Variants in TRPM7 observed in about 807,000 individuals in gnomAD.
TRPM7 encodes the protein transient receptor potential cation channel subfamily M member 7.
Under a neutral mutation model 229.7 loss-of-function variants are expected in TRPM7, and 134 were observed. The ratio of observed to expected loss-of-function variants is 0.58; its 90% CI spans 0.51 to 0.67. The LOEUF is 0.67. Among genes scored for constraint, TRPM7 ranks in the 30% least tolerant of loss-of-function variants. TRPM7 has a pLI of 0.00. For missense variants in TRPM7, 1,901 were observed against 2,210.0 expected, an observed-to-expected ratio of 0.86 and a Z score of 2.80; for synonymous variants, 699 against 715.2, an observed-to-expected ratio of 0.98 and a Z score of 0.36.
intron 21 of TRPM7, among the ~76,000 whole-genome samples, chr15:50,601,955 C>CTTTTTTTTTTTTTTTTTTTTTTTTTTTT (rs1237498865): frequency 7.8e-6 from 1 of 128,286 alleles, no homozygotes; most frequent in African/African-American, 2.9e-5. Context: ...CACATATTTT[C>CTTTTTTTTTTTTTTTTTTTTTTTTTTTT]TTTTTTTTTT....
At chr15:50,578,850 CTA>C (rs900080163) in intron 30 of TRPM7, among the ~76,000 whole-genome samples, 186 bp from the exon 31 acceptor site, 73 of 149,356 alleles carry the variant, frequency 4.9e-4, no homozygotes, top group African/African-American at 1.3e-3. Context: ...ATATATATAT[CTA>C]TATATATATA....
At chr15:50,680,205 G>C (rs1463409016) in intron 1 of TRPM7, among the ~76,000 whole-genome samples, 1 of 151,892 alleles carries the variant, frequency 6.6e-6, no homozygotes, top group Non-Finnish European at 1.5e-5. Flanking sequence ...CTGCACTCCA[G>C]CCTGGGTGAC....
At chr15:50,585,866 C>T (rs1398870910) in intron 28 of TRPM7, among the ~76,000 whole-genome samples, 2 of 152,064 alleles carry the variant, frequency 1.3e-5, no homozygotes, top group Non-Finnish European at 2.9e-5. Context: ...TGGTACAAGG[C>T]AACATGTATT....
chr15:50,562,406 A>T lies in TRPM7; in HGVS notation c.5468-598T>A, dbSNP rs1479508583. Among the ~76,000 whole-genome samples the T allele has an allele frequency of 5.3e-5, 8 of 152,196 alleles. No individual in the cohort carries two copies. The East Asian group carries it at 1.5e-3, about 29-fold the overall frequency. ...CAAACCAGACAAGCTCACTGGTCTC[A>T]GTGAGCTTATATTCTAGTGGGTGAC... On this transcript the variant is annotated intron_variant, in intron 38 of 38. Transcript: ENST00000646667.
At chr15:50,684,418 A>T (rs1013879011) in intron 1 of TRPM7, among the ~76,000 whole-genome samples, 4 of 152,104 alleles carry the variant, frequency 2.6e-5, no homozygotes, top group Non-Finnish European at 5.9e-5. Context: ...AGACAGCCAG[A>T]TCACTGGACA....
At chr15:50,664,115 T>C (rs1353557425) in intron 1 of TRPM7, among the ~76,000 whole-genome samples, 2 of 152,026 alleles carry the variant, frequency 1.3e-5, no homozygotes, top group African/African-American at 2.4e-5. Flanking sequence ...CTGGCCAACA[T>C]GGTAAAACCC....
chr15:50,612,885 T>C (rs2060101497), intron 15 of TRPM7, 56 bp from the exon 16 acceptor site: 8 of 1,491,214 alleles, frequency 5.4e-6, no homozygotes, highest in African/African-American at 1.4e-5. Flanking sequence ...ATGAAATTTA[T>C]GTCAGTGAAA....
chr15:50,558,357 A>T lies in TRPM7; in HGVS notation c.*3321T>A, dbSNP rs1168592149. 1.3e-5 allele frequency: 2 copies of T among 152,186 alleles called. No individual in the cohort carries two copies. Among genetic ancestry groups the T allele is most frequent in the East Asian group, 3.9e-4 (2 of 5,156 alleles). The allele number at this position is 152,186 out of a possible 1,614,324, so 9.4% of individuals were successfully genotyped here. A position where few individuals can be genotyped will look rare whatever the true frequency, so the allele number is the denominator to read the frequency against. ...CCAGGAATTTGAGACCAGCGTGGGC[A>T]ACAAGGCTAGACCCCATCTCTACAA... On this transcript the variant is annotated 3_prime_UTR_variant, in exon 39 of 39. Coordinates refer to ENST00000646667, the MANE Select transcript of TRPM7 (RefSeq NM_017672.6).
Position 50,609,879 on chromosome 15 carries a change from G to T in TRPM7, c.2363C>A (p.Ser788Tyr), listed in dbSNP as rs763249652. The T allele has an allele frequency of 6.2e-7, 1 of 1,613,232 alleles. No homozygotes were observed. Among genetic ancestry groups the T allele is most frequent in the Non-Finnish European group, 8.5e-7 (1 of 1,179,510 alleles). The change falls in exon 18 of 39, where the codon TCT (serine) becomes TAT (tyrosine). Residue 788 changes from serine to tyrosine, a missense_variant. Physicochemically the swap from Ser to Tyr is moderately radical, Grantham distance 144 (BLOSUM62 -2). This residue lies in a region of TRPM7 where 207 missense variants were observed against 241.5 expected (regional missense o/e 0.86). Coordinates refer to ENST00000646667, the MANE Select transcript of TRPM7 (RefSeq NM_017672.6). ...TKAEMSHIPQ[S>Y]QDAHQMTMDD... ...CATTGTCATCTGATGAGCATCTTGAGATTGTGGGATATGGGACATTTCAGC... is the reference window on the plus strand; with the variant it reads ...CATTGTCATCTGATGAGCATCTTGATATTGTGGGATATGGGACATTTCAGC...
intron 3 of TRPM7, among the ~76,000 whole-genome samples, chr15:50,655,451 A>C (rs1346965287): frequency 6.9e-6 from 1 of 144,378 alleles, no homozygotes; most frequent in African/African-American, 2.5e-5. Flanking sequence ...AAAAAAACAA[A>C]AAAACAAAAA....
chr15:50,664,352 A>G (rs1446856624), intron 1 of TRPM7, among the ~76,000 whole-genome samples: 3 of 151,892 alleles, frequency 2.0e-5, no homozygotes, highest in Non-Finnish European at 4.4e-5. Flanking sequence ...AAAAAATAAA[A>G]CCCAGCTACA....
chr15:50,630,797 G>C (rs1217062673), intron 10 of TRPM7, among the ~76,000 whole-genome samples: 1 of 152,022 alleles, frequency 6.6e-6, no homozygotes, highest in African/African-American at 2.4e-5. Flanking sequence ...TCAGCCTCCT[G>C]AACAGCTGGG....
rs1400383980 is a variant in TRPM7, at chr15:50,679,538, A to ATAT, written c.3+6992_3+6993insATA. ...TATATATATATATATATATATATAT[A>ATAT]TTTTTTTTTTTTTTTGAGACAGAGT... On this transcript the variant is annotated intron_variant, in intron 1 of 38. Coordinates refer to ENST00000646667, the MANE Select transcript of TRPM7 (RefSeq NM_017672.6). Among the ~76,000 whole-genome samples the ATAT allele has an allele frequency of 5.1e-3, 222 of 43,852 alleles. 5 individuals are homozygous for ATAT. The highest frequency in any genetic ancestry group is 0.02 in the African/African-American group (188 of 9,280). The allele number at this position is 43,852 out of a possible 152,430, so 28.8% of individuals were successfully genotyped here.
At chr15:50,631,573 G>A (rs2060732976) in intron 9 of TRPM7, 84 bp from the exon 10 acceptor site, 1 of 797,632 alleles carries the variant, frequency 1.3e-6, no homozygotes, top group South Asian at 1.7e-5. Flanking sequence ...CAAACTATAT[G>A]GGGGGCAAAA....
At chr15:50,652,869 AGAAAAGACTAGGCCGGGCACACTG>A (rs1296262715) in intron 3 of TRPM7, among the ~76,000 whole-genome samples, 14 of 152,166 alleles carry the variant, frequency 9.2e-5, no homozygotes, top group African/African-American at 3.1e-4. Context: ...TAGCATTACA[AGAAAAGACTAGGCCGGGCACACTG>A]GCTCGTGCCT....
At chr15:50,660,301 A>G (rs1420714859) in intron 2 of TRPM7, among the ~76,000 whole-genome samples, 1 of 152,204 alleles carries the variant, frequency 6.6e-6, no homozygotes, top group Non-Finnish European at 1.5e-5. Context: ...TATTTAAAAA[A>G]CATAAAATAT....
intron 15 of TRPM7, among the ~76,000 whole-genome samples, chr15:50,613,442 C>T (rs1442162923): frequency 3.0e-5 from 4 of 133,706 alleles, no homozygotes; most frequent in Non-Finnish European, 1.5e-5. Context: ...GTGGAGGTTG[C>T]AGTGAGCCAA....
At chr15:50,614,329 AG>A in intron 13 of TRPM7, 66 bp from the exon 14 acceptor site, 3 of 1,400,940 alleles carry the variant, frequency 2.1e-6, no homozygotes, top group Non-Finnish European at 1.9e-6. Context: ...TGCCCTGCCT[AG>A]GAACAGGCCT....
At chr15:50,651,634 CGAAAAAATTAAA>C (rs913836361) in intron 3 of TRPM7, among the ~76,000 whole-genome samples, 7 of 150,884 alleles carry the variant, frequency 4.6e-5, no homozygotes, top group African/African-American at 9.8e-5. Flanking sequence ...TGTCTCTAAA[CGAAAAAATTAAA>C]GAAAAAATTA....
Sources: allele counts gnomAD v4.1 joint callset (sites outside exome capture counted in the v4.1 genomes callset), GRCh38; gene constraint gnomAD v4.1.1; regional missense constraint gnomAD v4.1.1; transcripts MANE v1.5; gene names NCBI Gene and HGNC (gene_info 2026-07-23, HGNC 2026-07-21).